Variants in DCC observed in about 807,000 individuals in gnomAD.
The protein encoded by DCC is DCC netrin 1 receptor, also known as netrin receptor DCC.
DCC carries 58 observed loss-of-function variants against 172.5 expected under a neutral mutation model. The observed-to-expected ratio is 0.34, with a 90% CI of 0.27 to 0.42. The LOEUF (loss-of-function observed/expected upper bound fraction) is 0.42. DCC is among the 10% of genes least tolerant of loss of function. The probability of loss-of-function intolerance (pLI) is 1.00; values close to 1 mark genes in which losing one functional copy is unlikely to be tolerated. For missense variants in DCC, 1,740 were observed against 1,791.0 expected (o/e 0.97, Z 0.51); for synonymous variants, 709 against 644.5 (o/e 1.10, Z -1.52).
intron 2 of DCC, among the ~76,000 whole-genome samples, chr18:52,824,295 G>T (rs1213328109): frequency 6.6e-6 from 1 of 152,108 alleles, no homozygotes; most frequent in Non-Finnish European, 1.5e-5. Context: ...GTGAATGATG[G>T]CAGGTTTATT....
At chr18:52,354,257 A>C (rs1462969760) in intron 1 of DCC, among the ~76,000 whole-genome samples, 2 of 152,160 alleles carry the variant, frequency 1.3e-5, no homozygotes, top group African/African-American at 4.8e-5. Context: ...TTTGGTACCT[A>C]TGATGGGGAG....
rs140372412 is a variant in DCC at position 52,559,802 on chromosome 18, C to T, written c.92-192252C>T. 6.0e-3 allele frequency among the ~76,000 whole-genome samples: 919 copies of T among 152,094 alleles called. 7 individuals are homozygous for T. The highest frequency in any genetic ancestry group is 8.7e-3 in the Non-Finnish European group (593 of 68,000). On this transcript the variant is annotated intron_variant, in intron 1 of 28. Transcript: ENST00000442544. The stretch of plus-strand genomic sequence containing the variant: ...TTTCTACATAAATCTCAAATATCTT[C>T]CCATATTGTGGAGGAGAGAGAGAGA...
chr18:53,117,629 C>G (rs1470222737), intron 7 of DCC, among the ~76,000 whole-genome samples: 1 of 151,642 alleles, frequency 6.6e-6, no homozygotes, highest in African/African-American at 2.4e-5. Context: ...TAAGGGCATT[C>G]AGATTTAACC....
chr18:52,561,123 C>T (rs2033026827), intron 1 of DCC, among the ~76,000 whole-genome samples: 1 of 151,620 alleles, frequency 6.6e-6, no homozygotes, highest in African/African-American at 2.4e-5. Context: ...TTCTTTATTG[C>T]CCATAAAAGT....
At chr18:53,047,263 T>TTTG (rs2042254198) in intron 5 of DCC, among the ~76,000 whole-genome samples, 1 of 13,876 alleles carries the variant, frequency 7.2e-5, no homozygotes, top group Non-Finnish European at 1.5e-4. Flanking sequence ...TATATATATA[T>TTTG]ATATATATAT....
Position 52,803,896 on chromosome 18 carries a change from A to T in DCC, c.412+51522A>T, listed in dbSNP as rs146442691. 5.6e-4 allele frequency among the ~76,000 whole-genome samples: 86 copies of T among 152,272 alleles called. 1 individual carries two copies. Among genetic ancestry groups the T allele is most frequent in the African/African-American group, 2.0e-3 (85 of 41,514 alleles). The stretch of plus-strand genomic sequence containing the variant: ...TCATCAAAACAACACGATGAAATAG[A>T]TATTTTTAATCCTCATTTTTACATA... On this transcript the variant is annotated intron_variant, in intron 2 of 28. Coordinates refer to ENST00000442544, the MANE Select transcript of DCC (RefSeq NM_005215.4).
Position 53,486,944 on chromosome 18 carries a change from C to T in DCC, c.3884C>T (p.Ala1295Val). 7 of 1,614,160 alleles carry T rather than the reference C, an allele frequency of 4.3e-6. No homozygotes were observed. Among genetic ancestry groups the T allele is most frequent in the Non-Finnish European group, 5.9e-6 (7 of 1,180,036 alleles). ...PTLSVDRGFGAGRSQSVSEGP... is the reference protein window; with the variant it reads ...PTLSVDRGFGVGRSQSVSEGP... Reference sequence around the variant, plus strand: ...CTCTCAGTGGACCGAGGTTTCGGAGCAGGAAGAAGTCAGTGTAATGCATTT... The same window carrying T: ...CTCTCAGTGGACCGAGGTTTCGGAGTAGGAAGAAGTCAGTGTAATGCATTT... Residue 1295 changes from alanine (A) to valine (V), a missense_variant, in exon 26 of 29, where the codon GCA becomes GTA. Ala to Val is a moderately conservative substitution (Grantham distance 64, BLOSUM62 0). Coordinates refer to ENST00000442544, the MANE Select transcript of DCC (RefSeq NM_005215.4).
At chr18:52,703,566 A>G (rs149045847) in intron 1 of DCC, among the ~76,000 whole-genome samples, 27 of 152,168 alleles carry the variant, frequency 1.8e-4, no homozygotes, top group Admixed American at 5.2e-4. Flanking sequence ...AGATTTGAAC[A>G]GCGAGGAAAA....
At chr18:53,128,645 A>G (rs761204923) in intron 7 of DCC, among the ~76,000 whole-genome samples, 1 of 151,904 alleles carries the variant, frequency 6.6e-6, no homozygotes, top group South Asian at 2.1e-4. Context: ...TATTAAAGAA[A>G]TTATTAAGCA....
intron 2 of DCC, among the ~76,000 whole-genome samples, chr18:52,845,341 G>C (rs955880326): frequency 2.6e-5 from 4 of 152,196 alleles, no homozygotes; most frequent in Non-Finnish European, 2.9e-5. Flanking sequence ...AAATGTGAAA[G>C]ATAGTAAAAG....
chr18:52,422,399 T>C (rs2144438283), intron 1 of DCC, among the ~76,000 whole-genome samples: 1 of 152,282 alleles, frequency 6.6e-6, no homozygotes, highest in Admixed American at 6.5e-5. Flanking sequence ...ATCAGGATTG[T>C]CCACTCTGTT....
intron 1 of DCC, among the ~76,000 whole-genome samples, chr18:52,409,499 G>A (rs1021736964): frequency 8.6e-5 from 13 of 151,968 alleles, no homozygotes; most frequent in African/African-American, 2.7e-4. Context: ...ATTCCCCTTC[G>A]AAAGGCTACC....
chr18:53,448,437 C>T (rs1912768644), intron 22 of DCC, among the ~76,000 whole-genome samples: 1 of 152,172 alleles, frequency 6.6e-6, no homozygotes, highest in Admixed American at 6.5e-5. Context: ...TTCACTATCA[C>T]AAGACCAGCA....
chr18:52,685,966 G>A (rs2035826223), intron 1 of DCC, among the ~76,000 whole-genome samples: 1 of 152,094 alleles, frequency 6.6e-6, no homozygotes, highest in African/African-American at 2.4e-5. Flanking sequence ...GGGCTAACTG[G>A]ATGTTCCTGT....
At chr18:52,934,802 C>G (rs1394190804) in intron 5 of DCC, 2 of 152,142 alleles carry the variant, frequency 1.3e-5, no homozygotes, top group Non-Finnish European at 2.9e-5. Flanking sequence ...TCTCTCCACC[C>G]TTGCACAGAG....
chr18:52,666,019 C>G (rs1264971211), intron 1 of DCC, among the ~76,000 whole-genome samples: 1 of 152,062 alleles, frequency 6.6e-6, no homozygotes, highest in Non-Finnish European at 1.5e-5. Context: ...GAAATTCGGC[C>G]GGGTGCCGTG....
At chr18:52,358,109 G>A (rs1008101822) in intron 1 of DCC, among the ~76,000 whole-genome samples, 2 of 152,076 alleles carry the variant, frequency 1.3e-5, no homozygotes, top group African/African-American at 4.8e-5. Context: ...GTCTTACAAT[G>A]AGAAAAAGAG....
intron 18 of DCC, 58 bp downstream of exon 18, chr18:53,397,504 G>A: frequency 6.3e-7 from 1 of 1,592,022 alleles, no homozygotes; most frequent in Non-Finnish European, 8.6e-7. Context: ...AGGTTCTGTG[G>A]AAATTAGAAC....
intron 12 of DCC, among the ~76,000 whole-genome samples, chr18:53,292,469 C>A (rs1168090590): frequency 6.6e-6 from 1 of 152,098 alleles, no homozygotes; most frequent in East Asian, 1.9e-4. Context: ...GGCAGATCAC[C>A]TGAGGTCAGA....
Sources: gnomAD v4.1 joint callset for allele counts (sites outside exome capture counted in the v4.1 genomes callset) on GRCh38, gnomAD v4.1.1 for gene constraint, MANE v1.5 for transcripts, NCBI Gene and HGNC (gene_info 2026-07-23, HGNC 2026-07-21) for gene names.